The following ADAMTSL1 variants were observed in gnomAD, a reference collection of about 807,000 sequenced individuals.
The protein encoded by ADAMTSL1 is ADAMTS like 1.
ADAMTSL1 carries 126 observed loss-of-function variants against 201.8 expected under a neutral mutation model. That is an observed-to-expected ratio of 0.62 (90% CI 0.54 to 0.72). The LOEUF is 0.72. Among genes scored for constraint, ADAMTSL1 ranks in the 30% least tolerant of loss-of-function variants. The pLI, the probability that ADAMTSL1 is intolerant of heterozygous loss-of-function variation, is 0.00. For synonymous variants in ADAMTSL1, 1,121 were observed against 903.4 expected, an observed-to-expected ratio of 1.24 and a Z score of -4.32; for missense variants, 2,679 against 2,277.8, an observed-to-expected ratio of 1.18 and a Z score of -3.59.
intron 5 of ADAMTSL1, among the ~76,000 whole-genome samples, chr9:18,628,352 C>T (rs1417448358): frequency 6.6e-6 from 1 of 152,144 alleles, no homozygotes; most frequent in East Asian, 1.9e-4. Flanking sequence ...ACAGCCTTTT[C>T]TCTTTTGAAT....
chr9:18,406,257 TA>T (rs1167658458), intron 2 of ADAMTSL1, among the ~76,000 whole-genome samples: 1 of 149,272 alleles, frequency 6.7e-6, no homozygotes, highest in Non-Finnish European at 1.5e-5. Flanking sequence ...AAAGTAAAAA[TA>T]AAATGGTATG....
chr9:18,672,112 AT>A (rs1037955458), intron 9 of ADAMTSL1, among the ~76,000 whole-genome samples: 3 of 151,794 alleles, frequency 2.0e-5, no homozygotes, highest in Admixed American at 1.3e-4. Flanking sequence ...CTACTTTAGG[AT>A]TTTTCTTGTA....
intron 23 of ADAMTSL1, among the ~76,000 whole-genome samples, chr9:18,838,876 T>C (rs1825511772): frequency 8.3e-6 from 1 of 120,376 alleles, no homozygotes; most frequent in Non-Finnish European, 1.7e-5. Context: ...TCCTGTCTCT[T>C]TTTTTTAAAA....
intron 1 of ADAMTSL1, among the ~76,000 whole-genome samples, chr9:18,083,718 C>T (rs576298439): frequency 6.6e-6 from 1 of 152,186 alleles, no homozygotes; most frequent in African/African-American, 2.4e-5. Context: ...ATGTGGACAA[C>T]CTCGTCCATA....
intron 4 of ADAMTSL1, among the ~76,000 whole-genome samples, chr9:18,599,875 G>A (rs1303557765): frequency 4.6e-5 from 7 of 151,168 alleles, no homozygotes; most frequent in Non-Finnish European, 8.8e-5. Context: ...AGATCTGGCT[G>A]GGCGCGGTGG....
chr9:17,942,051 G>A (rs574497025), intron 1 of ADAMTSL1, among the ~76,000 whole-genome samples: 1 of 152,116 alleles, frequency 6.6e-6, no homozygotes, highest in African/African-American at 2.4e-5. Flanking sequence ...TTATATAGCT[G>A]CTGCCATACA....
chr9:18,771,705 C>CTT lies in ADAMTSL1; in HGVS notation c.2397+951_2397+952dup, dbSNP rs374268861. Among the ~76,000 whole-genome samples the CTT allele has an allele frequency of 1.9e-3, 176 of 91,740 alleles. 19 individuals carry two copies. The highest frequency in any genetic ancestry group is 6.9e-3 in the Middle Eastern group (1 of 144). 60.2% of individuals were successfully genotyped at this position (91,740 alleles called of 152,430 possible). The stretch of plus-strand genomic sequence containing the variant: ...GAATTTGCCTTCCTAACCCCAGTGC[C>CTT]TTTTTTTTTTTTTTTTTTTTTTTTT... On this transcript the variant is annotated intron_variant, in intron 17 of 28. Coordinates refer to ENST00000380548, the MANE Select transcript of ADAMTSL1 (RefSeq NM_001040272.6).
At chr9:18,146,389 AGAGGTAT>A (rs1826643343) in intron 1 of ADAMTSL1, among the ~76,000 whole-genome samples, 1 of 152,206 alleles carries the variant, frequency 6.6e-6, no homozygotes, top group African/African-American at 2.4e-5. Flanking sequence ...TCAGCAATAA[AGAGGTAT>A]GAGCTATCAA....
intron 1 of ADAMTSL1, among the ~76,000 whole-genome samples, chr9:17,930,941 C>G (rs1259652844): frequency 6.6e-6 from 1 of 152,160 alleles, no homozygotes; most frequent in East Asian, 1.9e-4. Flanking sequence ...GGTTGGACTG[C>G]TGGCGGCATT....
rs372310482 is a variant in ADAMTSL1 at position 18,906,801 on chromosome 9, C to T, written c.5071C>T (p.Arg1691Cys). ...TGGCAACTACGGCTTCCAGTCCCGG[C>T]GTGTGGAGTGTGTGCATGCCCGCAC... is the stretch of plus-strand genomic sequence containing the variant. ...TCGNYGFQSRRVECVHARTNK... is the reference protein window; with the variant it reads ...TCGNYGFQSRCVECVHARTNK... Residue 1691 changes from arginine (R) to cysteine (C), a missense_variant, in exon 28 of 29, where the codon CGT (arginine) becomes TGT (cysteine). Arg to Cys is a radical substitution (Grantham distance 180). Coordinates refer to ENST00000380548, the MANE Select transcript of ADAMTSL1 (RefSeq NM_001040272.6). 10 of 1,613,902 alleles carry T rather than the reference C, an allele frequency of 6.2e-6. No homozygotes were observed. Among genetic ancestry groups the T allele is most frequent in the South Asian group, 3.3e-5 (3 of 91,094 alleles).
At chr9:18,451,268 G>A (rs1820394564) in intron 2 of ADAMTSL1, among the ~76,000 whole-genome samples, 1 of 152,232 alleles carries the variant, frequency 6.6e-6, no homozygotes, top group East Asian at 1.9e-4. Flanking sequence ...AATGTAAAGG[G>A]CATACTAGTA....
At chr9:18,715,432 T>C (rs1832863574) in intron 14 of ADAMTSL1, among the ~76,000 whole-genome samples, 1 of 152,160 alleles carries the variant, frequency 6.6e-6, no homozygotes, top group African/African-American at 2.4e-5. Context: ...AGCATTCTTA[T>C]ACACCAACAA....
Position 18,907,168 on chromosome 9 carries a change from G to A in ADAMTSL1, c.5182+256G>A. On this transcript the variant is annotated intron_variant, in intron 28 of 28. Transcript: ENST00000380548. Reference sequence around the variant, plus strand: ...GAGAGAGCCAGGTGCTATTGGCCCAGTGCTGGAGGAAATCAGCCTCCAGTT... The same window carrying A: ...GAGAGAGCCAGGTGCTATTGGCCCAATGCTGGAGGAAATCAGCCTCCAGTT... The A allele has an allele frequency of 6.0e-6, 3 of 497,990 alleles. 1 individual carries two copies. The highest frequency in any genetic ancestry group is 5.1e-5 in the South Asian group (2 of 39,386). 30.8% of individuals were successfully genotyped at this position (497,990 alleles called of 1,614,324 possible).
chr9:18,519,787 G>A (rs1818573911), intron 2 of ADAMTSL1, among the ~76,000 whole-genome samples: 1 of 152,160 alleles, frequency 6.6e-6, no homozygotes, highest in African/African-American at 2.4e-5. Flanking sequence ...AGTGCTTATT[G>A]TACATTGTCT....
chr9:18,583,727 G>T (rs181515322), intron 4 of ADAMTSL1, among the ~76,000 whole-genome samples: 27 of 152,288 alleles, frequency 1.8e-4, no homozygotes, highest in East Asian at 1.6e-3. Context: ...ACCCAAGACC[G>T]TGGGGACCCA....
Position 18,777,648 on chromosome 9 carries a change from G to A in ADAMTSL1, c.3419G>A (p.Gly1140Asp), listed in dbSNP as rs779039245. 1 of 1,613,650 alleles carries A rather than the reference G, an allele frequency of 6.2e-7. No individual in the cohort carries two copies. The highest frequency in any genetic ancestry group is 8.5e-7 in the Non-Finnish European group (1 of 1,179,856). The change falls in exon 19 of 29, where the codon GGC becomes GAC. Residue 1140 changes from glycine (G) to aspartate (D), a missense_variant. Physicochemically the swap from Gly to Asp is moderately conservative, Grantham distance 94 (BLOSUM62 -1). Coordinates refer to ENST00000380548, the MANE Select transcript of ADAMTSL1 (RefSeq NM_001040272.6). ...VTLSPHKHVS[G>D]FSSSLRTSST... ...CTCTCGCCTCATAAACACGTGTCTG[G>A]CTTCAGCAGCTCCCTGCGGACCTCC...
chr9:18,724,863 A>G (rs961575130), intron 15 of ADAMTSL1, among the ~76,000 whole-genome samples: 6 of 151,872 alleles, frequency 4.0e-5, no homozygotes, highest in African/African-American at 1.5e-4. Context: ...CTTAAGCTTA[A>G]GGATTTAAAT....
chr9:18,436,016 G>A (rs1282348715), intron 2 of ADAMTSL1, among the ~76,000 whole-genome samples: 1 of 152,170 alleles, frequency 6.6e-6, no homozygotes, highest in Admixed American at 6.5e-5. Context: ...TAAAGAGTAG[G>A]TAAACGTGTT....
chr9:18,777,947 G>T, intron 19 of ADAMTSL1, 41 bp downstream of exon 19: 2 of 1,515,502 alleles, frequency 1.3e-6, no homozygotes, highest in South Asian at 2.7e-5. Context: ...GGGAGGCAAG[G>T]GGCCACATCT....
Sources: gnomAD v4.1 joint callset for allele counts (sites outside exome capture counted in the v4.1 genomes callset) on GRCh38, gnomAD v4.1.1 for gene constraint, MANE v1.5 for transcripts, NCBI Gene and HGNC (gene_info 2026-07-23, HGNC 2026-07-21) for gene names.